The following TAF4 variants were observed in gnomAD, a reference collection of about 807,000 sequenced individuals.
TAF4 encodes the protein TATA-box binding protein associated factor 4.
Under a neutral mutation model 90.3 loss-of-function variants are expected in TAF4, and 9 were observed. The ratio of observed to expected loss-of-function variants is 0.10; its 90% CI spans 0.06 to 0.17. The LOEUF is 0.17. TAF4 is among the 10% of genes least tolerant of loss of function. The pLI, the probability that TAF4 is intolerant of heterozygous loss-of-function variation, is 1.00. For missense variants in TAF4, 1,351 were observed against 1,370.7 expected, an observed-to-expected ratio of 0.99 and a Z score of 0.23; for synonymous variants, 818 against 638.9, an observed-to-expected ratio of 1.28 and a Z score of -4.23.
intron 7 of TAF4, chr20:62,005,493 AC>A (rs944987723): frequency 6.6e-6 from 1 of 152,256 alleles, no homozygotes; most frequent in African/African-American, 2.4e-5. Flanking sequence ...CTTAAACAGA[AC>A]CCACCTTTTT....
rs1419293591 is a variant in TAF4, at chr20:62,064,730, G to A, written c.1081C>T (p.Leu361=). Residue 361 remains leucine (L), a synonymous_variant, in exon 1 of 15, where the codon CTG becomes TTG. Transcript: ENST00000252996. ...VQAAPPAAQT[L]AASGPASTAA... ...GTGCTGGCCGGGCCGCTGGCCGCCA[G>A]GGTCTGCGCCGCCGGGGGCGCCGCC... is the stretch of plus-strand genomic sequence containing the variant. The A allele has an allele frequency of 8.3e-6, 10 of 1,208,112 alleles. No individual in the cohort carries two copies. The Middle Eastern group carries it at 1.4e-3, about 164-fold the overall frequency. The allele number at this position is 1,208,112 out of a possible 1,614,324, so 74.8% of individuals were successfully genotyped here. A position where few individuals can be genotyped will look rare whatever the true frequency, so the allele number is the denominator to read the frequency against.
intron 1 of TAF4, among the ~76,000 whole-genome samples, chr20:62,061,592 C>G (rs1482055369): frequency 6.6e-6 from 1 of 152,220 alleles, no homozygotes; most frequent in Non-Finnish European, 1.5e-5. Flanking sequence ...GAAAAGATCT[C>G]TCAACAATTT....
chr20:62,016,473 C>CG, intron 1 of TAF4, among the ~76,000 whole-genome samples: 1 of 152,348 alleles, frequency 6.6e-6, no homozygotes, highest in East Asian at 1.9e-4. Flanking sequence ...CGGCCTCCAT[C>CG]TTTCTCCAGA....
intron 1 of TAF4, among the ~76,000 whole-genome samples, chr20:62,042,071 A>G (rs979157238): frequency 6.6e-6 from 1 of 152,184 alleles, no homozygotes; most frequent in African/African-American, 2.4e-5. Flanking sequence ...AAATGGGAAC[A>G]GGCATTCCTG....
chr20:62,002,030 G>A (rs2055708390), intron 9 of TAF4, among the ~76,000 whole-genome samples: 1 of 152,202 alleles, frequency 6.6e-6, no homozygotes, highest in Non-Finnish European at 1.5e-5. Flanking sequence ...AAACCCAGGG[G>A]TTTGCGTCAG....
At chr20:62,017,866 A>T (rs2055821381) in intron 1 of TAF4, among the ~76,000 whole-genome samples, 1 of 152,142 alleles carries the variant, frequency 6.6e-6, no homozygotes, top group African/African-American at 2.4e-5. Context: ...ATCCAGATAT[A>T]TTTAAAGGAA....
chr20:61,993,468 T>A (rs982257749), intron 14 of TAF4, among the ~76,000 whole-genome samples: 1 of 152,102 alleles, frequency 6.6e-6, no homozygotes, highest in Non-Finnish European at 1.5e-5. Flanking sequence ...CGACAAGTTG[T>A]AAGAAAAAGA....
Position 61,999,074 on chromosome 20 carries a change from C to T in TAF4, c.2822G>A (p.Arg941Gln). The change falls in exon 12 of 15, where the codon CGG (arginine) becomes CAG (glutamine). Residue 941 changes from arginine (R) to glutamine (Q), a missense_variant. Coordinates refer to ENST00000252996, the MANE Select transcript of TAF4 (RefSeq NM_003185.4). ...CTGTTCAAAAAACTTGAGCTGTGCC[C>T]GGACGTCACTCGCCTGCTCATATCT... ...DDRYEQASDV[R>Q]AQLKFFEQLD... 4 of 1,614,130 alleles carry T rather than the reference C, an allele frequency of 2.5e-6. No homozygotes were observed. The highest frequency in any genetic ancestry group is 2.2e-5 in the East Asian group (1 of 44,878).
At chr20:61,976,747 C>G (rs2055497219) in intron 14 of TAF4, among the ~76,000 whole-genome samples, 1 of 152,234 alleles carries the variant, frequency 6.6e-6, no homozygotes, top group Admixed American at 6.5e-5. Context: ...GTCATCCCCG[C>G]TTGGCTGCTG....
chr20:62,029,922 G>T (rs563592316), intron 1 of TAF4, among the ~76,000 whole-genome samples: 1 of 152,218 alleles, frequency 6.6e-6, no homozygotes. Flanking sequence ...ACAAAAAAAA[G>T]AATGGCAGGC....
At chr20:62,016,270 T>G (rs2055811582) in intron 1 of TAF4, among the ~76,000 whole-genome samples, 1 of 152,200 alleles carries the variant, frequency 6.6e-6, no homozygotes, top group Non-Finnish European at 1.5e-5. Flanking sequence ...AGTGTCAACT[T>G]GATTGAAGAA....
chr20:61,978,614 C>G (rs1162704254), intron 14 of TAF4, among the ~76,000 whole-genome samples: 2 of 149,908 alleles, frequency 1.3e-5, no homozygotes, highest in East Asian at 2.0e-4. Flanking sequence ...GGGGCGAGAC[C>G]AACCAAGGCC....
rs563148697 is a variant in TAF4, at chr20:61,998,028, G to A, written c.2970+108C>T. On this transcript the variant is annotated intron_variant, in intron 13 of 14. Coordinates refer to ENST00000252996, the MANE Select transcript of TAF4 (RefSeq NM_003185.4). The stretch of plus-strand genomic sequence containing the variant: ...CTTGGCAAACATTTTAAACAGACAC[G>A]CAAATGCCTATCGTACAGAAGTGCC... 1.2e-5 allele frequency: 12 copies of A among 1,040,662 alleles called. No individual in the cohort carries two copies. The South Asian group carries it at 1.4e-4, about 12-fold the overall frequency. The allele number at this position is 1,040,662 out of a possible 1,614,324, so 64.5% of individuals were successfully genotyped here.
At chr20:62,050,689 C>T (rs1275325757) in intron 1 of TAF4, among the ~76,000 whole-genome samples, 1 of 152,228 alleles carries the variant, frequency 6.6e-6, no homozygotes, top group Non-Finnish European at 1.5e-5. Flanking sequence ...CGGGAGGGCA[C>T]ACCCCTGCTG....
intron 1 of TAF4, among the ~76,000 whole-genome samples, chr20:62,023,581 C>T (rs574778085): frequency 2.6e-5 from 4 of 151,974 alleles, no homozygotes; most frequent in East Asian, 1.9e-4. Flanking sequence ...AACCCTGTCT[C>T]TACTAAAAAT....
chr20:62,035,812 T>C (rs1403235537), intron 1 of TAF4, among the ~76,000 whole-genome samples: 2 of 152,176 alleles, frequency 1.3e-5, no homozygotes, highest in East Asian at 1.9e-4. Context: ...ACAGATGACC[T>C]ACAAAGGAAC....
chr20:62,012,854 C>T lies in TAF4; in HGVS notation c.1602G>A (p.Val534=), dbSNP rs756414757. Residue 534 remains valine (V), a synonymous_variant, in exon 3 of 15, where the codon GTG becomes GTA. Transcript: ENST00000252996. ...AGCGCTGCAGGGTTGCACTGGGCTGCACCGTTGTCTGGGCCTGAGACACTT... is the reference window on the plus strand; with the variant it reads ...AGCGCTGCAGGGTTGCACTGGGCTGTACCGTTGTCTGGGCCTGAGACACTT... The part of the protein sequence containing the change: ...IKQVSQAQTT[V]QPSATLQRSP... 3 of 1,614,164 alleles carry T rather than the reference C, an allele frequency of 1.9e-6. No homozygotes were observed. Among genetic ancestry groups the T allele is most frequent in the Non-Finnish European group, 2.5e-6 (3 of 1,180,036 alleles).
At position 61,985,596 on chromosome 20, in the gene TAF4, G is replaced by A. The variant is rs1018690548; in HGVS notation, c.3091-9261C>T. 7.2e-5 allele frequency among the ~76,000 whole-genome samples: 11 copies of A among 151,880 alleles called. No homozygotes were observed. The South Asian group carries it at 1.7e-3, about 23-fold the overall frequency. On this transcript the variant is annotated intron_variant, in intron 14 of 14. Coordinates refer to ENST00000252996, the MANE Select transcript of TAF4 (RefSeq NM_003185.4). ...GTTTCTCACACTGCCTGGCAATCCC[G>A]AAGGTCCTTTATCTGTATGTTGGAA...
At chr20:61,982,318 TCCGAGGAAACACCAAACCCACAC>T (rs2055552386) in intron 14 of TAF4, among the ~76,000 whole-genome samples, 1 of 2,360 alleles carries the variant, frequency 4.2e-4, no homozygotes. Flanking sequence ...CCACACCCCA[TCCGAGGAAACACCAAACCCACAC>T]CCACCCTAGA....
Sources: gnomAD v4.1 joint callset for allele counts (sites outside exome capture counted in the v4.1 genomes callset) on GRCh38, gnomAD v4.1.1 for gene constraint, MANE v1.5 for transcripts, NCBI Gene and HGNC (gene_info 2026-07-23, HGNC 2026-07-21) for gene names.